Variants in PALM observed in about 807,000 individuals in gnomAD.
The protein encoded by PALM is paralemmin.
In PALM, 18 loss-of-function variants were observed where a neutral mutation model predicts 30.7. That is an observed-to-expected ratio of 0.59 (90% CI 0.41 to 0.87). PALM has a LOEUF of 0.87. PALM is among the 40% of genes least tolerant of loss of function. The pLI, the probability that PALM is intolerant of heterozygous loss-of-function variation, is 0.00. For synonymous variants in PALM, 286 were observed against 242.8 expected, an observed-to-expected ratio of 1.18 and a Z score of -1.66; for missense variants, 529 against 555.4, an observed-to-expected ratio of 0.95 and a Z score of 0.48.
At chr19:739,711 C>T (rs748461620) in intron 7 of PALM, among the ~76,000 whole-genome samples, 2 of 151,978 alleles carry the variant, frequency 1.3e-5, no homozygotes. Context: ...CGCGGTGGCT[C>T]ACGCCTGTAA....
chr19:735,303 G>A (rs968868427), intron 6 of PALM, among the ~76,000 whole-genome samples: 4 of 149,400 alleles, frequency 2.7e-5, no homozygotes, highest in Non-Finnish European at 6.0e-5. Flanking sequence ...CCAGGTGCTT[G>A]TCTGGATGTC....
intron 5 of PALM, among the ~76,000 whole-genome samples, 157 bp from the exon 6 acceptor site, chr19:734,014 CTG>C (rs923739199): frequency 1.1e-4 from 16 of 152,140 alleles, no homozygotes; most frequent in African/African-American, 2.7e-4. Context: ...AAGATGACCT[CTG>C]TGTTTCTGGC....
chr19:720,442 G>T (rs200627317), intron 1 of PALM, among the ~76,000 whole-genome samples: 8 of 128,154 alleles, frequency 6.2e-5, no homozygotes, highest in African/African-American at 2.1e-4. Flanking sequence ...CTGGGGAGGG[G>T]CAAGGGGGGC....
chr19:744,312 A>G (rs1336515945), intron 8 of PALM, among the ~76,000 whole-genome samples: 2 of 151,438 alleles, frequency 1.3e-5, no homozygotes, highest in Non-Finnish European at 2.9e-5. Flanking sequence ...AGGCAGGAGA[A>G]TGGCGTGAAC....
chr19:715,920 T>A (rs545170624), intron 1 of PALM, among the ~76,000 whole-genome samples: 3 of 151,838 alleles, frequency 2.0e-5, no homozygotes, highest in African/African-American at 7.2e-5. Flanking sequence ...CCTGGATACA[T>A]GAGGGGGTGG....
intron 4 of PALM, 25 bp downstream of exon 4, chr19:727,719 C>A (rs560622430): frequency 1.3e-6 from 2 of 1,529,600 alleles, no homozygotes; most frequent in Non-Finnish European, 1.8e-6. Flanking sequence ...GTGGGTGCCA[C>A]CGGGCTGGGT....
intron 8 of PALM, among the ~76,000 whole-genome samples, chr19:744,864 A>T: frequency 1.4e-5 from 2 of 139,486 alleles, no homozygotes; most frequent in Non-Finnish European, 1.5e-5. Context: ...ACTGCACTCC[A>T]CCCTGGGCGA....
At chr19:720,483 G>C (rs2032435764) in intron 1 of PALM, among the ~76,000 whole-genome samples, 2 of 142,218 alleles carry the variant, frequency 1.4e-5, no homozygotes, top group Non-Finnish European at 3.1e-5. Context: ...AAAGGCGAGG[G>C]GGCGCCCGGG....
At chr19:727,445 T>G (rs1005464934) in intron 3 of PALM, 119 bp from the exon 4 acceptor site, 1 of 776,512 alleles carries the variant, frequency 1.3e-6, no homozygotes, top group East Asian at 2.7e-5. Context: ...ACCATAACCC[T>G]GACCCCAACC....
At chr19:726,986 C>A in intron 2 of PALM, 22 bp from the exon 3 acceptor site, 11 of 1,024,590 alleles carry the variant, frequency 1.1e-5, no homozygotes, top group East Asian at 2.9e-5. Flanking sequence ...CCATCCCTGA[C>A]CCCACCCGGC....
intron 1 of PALM, 108 bp from the exon 2 acceptor site, chr19:726,030 C>T (rs940262661): frequency 1.2e-6 from 1 of 843,018 alleles, no homozygotes; most frequent in African/African-American, 1.7e-5. Flanking sequence ...AGATGAAATC[C>T]CTTGCCCTGG....
intron 8 of PALM, among the ~76,000 whole-genome samples, chr19:741,094 G>T (rs1408171676): frequency 6.6e-6 from 1 of 152,020 alleles, no homozygotes; most frequent in African/African-American, 2.4e-5. Flanking sequence ...AGCCGTGATC[G>T]CACCACTGCA....
chr19:740,929 G>C (rs1211717125), intron 8 of PALM, among the ~76,000 whole-genome samples: 1 of 149,180 alleles, frequency 6.7e-6, no homozygotes, highest in Non-Finnish European at 1.5e-5. Context: ...CCAGAAGTTT[G>C]AGACCAGCCT....
chr19:741,320 C>T (rs926632421), intron 8 of PALM, among the ~76,000 whole-genome samples: 1 of 151,996 alleles, frequency 6.6e-6, no homozygotes, highest in Non-Finnish European at 1.5e-5. Flanking sequence ...GGCAGAGCCG[C>T]AGCCCCTGCA....
At chr19:731,370 A>G (rs1042818522) in intron 5 of PALM, 125 bp downstream of exon 5, 1 of 938,502 alleles carries the variant, frequency 1.1e-6, no homozygotes, top group African/African-American at 1.7e-5. Flanking sequence ...CAGGCACTTG[A>G]TTTCCAGCTC....
chr19:726,901 C>T (rs1056635032), intron 2 of PALM, 107 bp from the exon 3 acceptor site: 3 of 718,448 alleles, frequency 4.2e-6, no homozygotes, highest in African/African-American at 1.8e-5. Flanking sequence ...CCACGAGGAT[C>T]CCCGGACAGA....
chr19:724,519 C>T (rs1287348347), intron 1 of PALM, among the ~76,000 whole-genome samples: 1 of 152,080 alleles, frequency 6.6e-6, no homozygotes, highest in Non-Finnish European at 1.5e-5. Context: ...GGGGGTTTCA[C>T]CATGTTGGGC....
At position 742,750 on chromosome 19, in the gene PALM, C is replaced by T. The variant is rs559815844; in HGVS notation, c.634+2267C>T. Among the ~76,000 whole-genome samples, 7 of 152,318 alleles carry T rather than the reference C, an allele frequency of 4.6e-5. No homozygotes were observed. Among genetic ancestry groups the T allele is most frequent in the African/African-American group, 1.7e-4 (7 of 41,580 alleles). Reference sequence around the variant, plus strand: ...GTCGGAGCCTGACTCCTTTTCATGGCTGAATACTATTCCACGGGTTGGGTG... The same window carrying T: ...GTCGGAGCCTGACTCCTTTTCATGGTTGAATACTATTCCACGGGTTGGGTG... On this transcript the variant is annotated intron_variant, in intron 8 of 8. Coordinates refer to ENST00000338448, the MANE Select transcript of PALM (RefSeq NM_002579.3). This position sits in a 1 kb window ranked among gnomAD's most constrained non-coding sequence, Gnocchi z 5.5.
chr19:726,957 GT>G, intron 2 of PALM, 50 bp from the exon 3 acceptor site: 3 of 1,109,134 alleles, frequency 2.7e-6, no homozygotes, highest in East Asian at 2.7e-5. Context: ...GGGTGGGGGG[GT>G]CTCCGGGACC....
Sources: allele counts gnomAD v4.1 joint callset (sites outside exome capture counted in the v4.1 genomes callset), GRCh38; gene constraint gnomAD v4.1.1; non-coding constraint Gnocchi (gnomAD v3.1); transcripts MANE v1.5; gene names NCBI Gene and HGNC (gene_info 2026-07-23, HGNC 2026-07-21).